EEA1: variants seen among roughly 807,000 people sequenced by gnomAD.
The protein encoded by EEA1 is early endosome antigen 1, 162kD.
Under a neutral mutation model 209.2 loss-of-function variants are expected in EEA1, and 111 were observed. That is an observed-to-expected ratio of 0.53 (90% confidence interval 0.45 to 0.62). The LOEUF (loss-of-function observed/expected upper bound fraction) is 0.62. Ranked by LOEUF, EEA1 falls within the 20% of genes least tolerant of loss-of-function variation. The pLI is 0.00. For missense variants in EEA1, 1,343 were observed against 1,530.8 expected, an observed-to-expected ratio of 0.88 and a Z score of 2.05; for synonymous variants, 536 against 540.6, an observed-to-expected ratio of 0.99 and a Z score of 0.12.
At position 92,851,186 on chromosome 12, in the gene EEA1, G is replaced by A; in HGVS notation, c.723C>T (p.Thr241=). The A allele has an allele frequency of 1.2e-6, 2 of 1,613,876 alleles. No homozygotes were observed. The highest frequency in any genetic ancestry group is 1.1e-5 in the South Asian group (1 of 91,072). Residue 241 remains threonine, a synonymous_variant, in exon 9 of 29, where the codon ACC becomes ACT. Transcript: ENST00000322349. Reference sequence around the variant, plus strand: ...TTTCAGATTCTCGCTCACGTTCCAAGGTCATGTTATCCATTAGTGTTTGAA... The same window carrying A: ...TTTCAGATTCTCGCTCACGTTCCAAAGTCATGTTATCCATTAGTGTTTGAA... ...VQVQTLMDNM[T]LERERESEKL... is the part of the protein sequence containing the mutation.
At chr12:92,822,414 T>A (rs557138007) in intron 13 of EEA1, among the ~76,000 whole-genome samples, 3 of 152,232 alleles carry the variant, frequency 2.0e-5, no homozygotes, top group Non-Finnish European at 4.4e-5. Context: ...ATTACTTTAC[T>A]GAAATTATGT....
intron 10 of EEA1, 126 bp from the exon 11 acceptor site, chr12:92,832,976 G>T: frequency 1.5e-6 from 1 of 664,908 alleles, no homozygotes; most frequent in Non-Finnish European, 2.4e-6. Flanking sequence ...ATATAAAACA[G>T]TGACAATGTT....
chr12:92,923,801 A>G (rs1364425700), intron 1 of EEA1, among the ~76,000 whole-genome samples: 2 of 151,486 alleles, frequency 1.3e-5, no homozygotes, highest in Non-Finnish European at 2.9e-5. Context: ...GGTAGTACAT[A>G]AAATGAATGT....
At chr12:92,874,458 C>A (rs1229770759) in intron 2 of EEA1, among the ~76,000 whole-genome samples, 2 of 152,246 alleles carry the variant, frequency 1.3e-5, no homozygotes, top group Non-Finnish European at 2.9e-5. Flanking sequence ...CTCTGCCTCC[C>A]AGGTTCAAGC....
At chr12:92,880,086 T>G (rs916217471) in intron 2 of EEA1, among the ~76,000 whole-genome samples, 1 of 152,266 alleles carries the variant, frequency 6.6e-6, no homozygotes, top group South Asian at 2.1e-4. Flanking sequence ...ATGCATGGCA[T>G]GTAGTGTCCT....
chr12:92,887,445 G>A (rs1340176808), intron 2 of EEA1, among the ~76,000 whole-genome samples: 1 of 152,238 alleles, frequency 6.6e-6, no homozygotes, highest in African/African-American at 2.4e-5. Context: ...AGGAGTTCAA[G>A]ATCAGCCTAA....
At chr12:92,820,556 A>C (rs1373941612) in intron 13 of EEA1, among the ~76,000 whole-genome samples, 1 of 151,810 alleles carries the variant, frequency 6.6e-6, no homozygotes, top group East Asian at 1.9e-4. Context: ...CATAAAAGTC[A>C]CTCTGAGGGA....
At chr12:92,928,614 G>A (rs1224635197) in intron 1 of EEA1, among the ~76,000 whole-genome samples, 1 of 152,084 alleles carries the variant, frequency 6.6e-6, no homozygotes, top group Non-Finnish European at 1.5e-5. Context: ...CACGGGGAGT[G>A]CGGCGGGTGG....
chr12:92,845,554 A>G (rs899306516), intron 9 of EEA1, among the ~76,000 whole-genome samples: 3 of 152,176 alleles, frequency 2.0e-5, no homozygotes, highest in Admixed American at 2.0e-4. Context: ...CCTAGCTCCC[A>G]CTGCTTAACT....
At chr12:92,780,209 G>C in intron 24 of EEA1, 71 bp downstream of exon 24, 1 of 1,416,096 alleles carries the variant, frequency 7.1e-7, no homozygotes, top group Non-Finnish European at 9.5e-7. Flanking sequence ...AAATAAATAT[G>C]TATGGGTATA....
At chr12:92,816,805 T>C (rs1875809572) in intron 14 of EEA1, among the ~76,000 whole-genome samples, 1 of 150,818 alleles carries the variant, frequency 6.6e-6, no homozygotes, top group South Asian at 2.1e-4. Flanking sequence ...AGCCAATCAC[T>C]GATTTGGTTA....
At position 92,775,872 on chromosome 12, in the gene EEA1, A is replaced by C. The variant is rs1171709118; in HGVS notation, c.*139T>G. ...AAGAGTTTTACTTGATATCCATAAC[A>C]TTCCAAAATATACTAATTCCTATTT... On this transcript the variant is annotated 3_prime_UTR_variant, in exon 29 of 29. Transcript: ENST00000322349. The C allele has an allele frequency of 1.3e-6, 1 of 787,886 alleles. No homozygotes were observed. The highest frequency in any genetic ancestry group is 1.8e-5 in the African/African-American group (1 of 55,626). The allele number at this position is 787,886 out of a possible 1,614,324, so 48.8% of individuals were successfully genotyped here.
chr12:92,889,673 C>A (rs151294193), intron 2 of EEA1, among the ~76,000 whole-genome samples: 2,824 of 152,148 alleles, frequency 0.019, 96 homozygotes, highest in African/African-American at 0.063. Flanking sequence ...CTGAGGCAGG[C>A]AGATCACCCG....
At chr12:92,892,850 G>A (rs1479012477) in intron 1 of EEA1, among the ~76,000 whole-genome samples, 7 of 151,854 alleles carry the variant, frequency 4.6e-5, no homozygotes, top group Non-Finnish European at 8.8e-5. Flanking sequence ...GGCTGTTCTC[G>A]AACTCCTGAC....
chr12:92,887,785 C>T (rs1448245771), intron 2 of EEA1, among the ~76,000 whole-genome samples: 3 of 151,862 alleles, frequency 2.0e-5, no homozygotes, highest in Non-Finnish European at 4.4e-5. Flanking sequence ...GATGTAACCC[C>T]ATCATAAATC....
At chr12:92,810,023 T>C (rs2136673891) in intron 17 of EEA1, among the ~76,000 whole-genome samples, 1 of 152,324 alleles carries the variant, frequency 6.6e-6, no homozygotes, top group East Asian at 1.9e-4. Context: ...CAGAATATAG[T>C]TTGCATCTCA....
At chr12:92,924,840 TAAAAAAAAAAAAA>T (rs58741191) in intron 1 of EEA1, among the ~76,000 whole-genome samples, 8 of 74,504 alleles carry the variant, frequency 1.1e-4, no homozygotes, top group South Asian at 1.3e-3. Flanking sequence ...CCTAACATGC[TAAAAAAAAAAAAA>T]AAAAAAAAAA....
At chr12:92,854,146 T>C (rs982423155) in intron 5 of EEA1, among the ~76,000 whole-genome samples, 192 bp from the exon 6 acceptor site, 5 of 152,220 alleles carry the variant, frequency 3.3e-5, no homozygotes, top group African/African-American at 1.2e-4. Context: ...AGCCTAATGA[T>C]CTAACTTCAG....
chr12:92,808,320 C>T (rs1290192592), intron 18 of EEA1, among the ~76,000 whole-genome samples: 2 of 152,194 alleles, frequency 1.3e-5, no homozygotes, highest in Non-Finnish European at 2.9e-5. Flanking sequence ...ACAGAATATA[C>T]ACTGATTAAA....
Sources: gnomAD v4.1 joint callset for allele counts (sites outside exome capture counted in the v4.1 genomes callset) on GRCh38, gnomAD v4.1.1 for gene constraint, MANE v1.5 for transcripts, NCBI Gene and HGNC (gene_info 2026-07-23, HGNC 2026-07-21) for gene names.